The following BTG3 variants were observed in gnomAD, a reference collection of about 807,000 sequenced individuals.
BTG3 encodes BTG anti-proliferation factor 3, also known as protein BTG3.
Under a neutral mutation model 25.8 loss-of-function variants are expected in BTG3, and 4 were observed. The ratio of observed to expected loss-of-function variants is 0.16; its 90% CI spans 0.08 to 0.36. The LOEUF (loss-of-function observed/expected upper bound fraction) is 0.36. Ranked by LOEUF, BTG3 falls within the 10% of genes least tolerant of loss-of-function variation. The pLI, the probability that BTG3 is intolerant of heterozygous loss-of-function variation, is 1.00. For synonymous variants in BTG3, 107 were observed against 99.9 expected (o/e 1.07, Z -0.42); for missense variants, 201 against 304.9 (o/e 0.66, Z 2.54).
At chr21:17,595,558 T>A (rs1402623454) in intron 4 of BTG3, among the ~76,000 whole-genome samples, 2 of 152,036 alleles carry the variant, frequency 1.3e-5, no homozygotes, top group Non-Finnish European at 2.9e-5. Flanking sequence ...TTCATAATAA[T>A]ACATTTCAGA....
At chr21:17,604,213 C>G in intron 3 of BTG3, 1 of 881,418 alleles carries the variant, frequency 1.1e-6, no homozygotes, top group South Asian at 1.6e-5. Flanking sequence ...GAGGCCAAGG[C>G]GGGCGGATCA....
At chr21:17,597,704 G>A (rs2061522364) in intron 4 of BTG3, among the ~76,000 whole-genome samples, 1 of 146,602 alleles carries the variant, frequency 6.8e-6, no homozygotes, top group Non-Finnish European at 1.5e-5. Context: ...TTCCCCTAAA[G>A]TCTAGGAAGA....
chr21:17,599,119 T>C (rs981689050), intron 3 of BTG3: 1 of 290,266 alleles, frequency 3.4e-6, no homozygotes, highest in African/African-American at 2.2e-5. Context: ...AAAAGTCCAT[T>C]GTTTTGATTA....
At chr21:17,604,158 A>C in intron 3 of BTG3, 1 of 1,281,126 alleles carries the variant, frequency 7.8e-7, no homozygotes, top group Non-Finnish European at 1.0e-6. Flanking sequence ...ATCAAAAAGG[A>C]GGAGGCCGGG....
At chr21:17,609,847 C>T (rs1016291719) in intron 1 of BTG3, among the ~76,000 whole-genome samples, 1 of 152,024 alleles carries the variant, frequency 6.6e-6, no homozygotes, top group African/African-American at 2.4e-5. Context: ...AGTACTAATA[C>T]AAGCTACAAT....
intron 3 of BTG3, among the ~76,000 whole-genome samples, chr21:17,603,311 A>C (rs1297728436): frequency 1.3e-5 from 2 of 152,218 alleles, no homozygotes; most frequent in Non-Finnish European, 2.9e-5. Context: ...TTATTTTCTC[A>C]GACCTAAATT....
intron 3 of BTG3, among the ~76,000 whole-genome samples, chr21:17,599,263 C>T (rs1316679042): frequency 6.7e-6 from 1 of 150,336 alleles, no homozygotes; most frequent in Non-Finnish European, 1.5e-5. Context: ...GCAGACTCTA[C>T]CTCCTGGGCT....
At chr21:17,594,471 T>A in intron 4 of BTG3, 139 bp from the exon 5 acceptor site, 1 of 1,027,384 alleles carries the variant, frequency 9.7e-7, no homozygotes, top group Non-Finnish European at 1.4e-6. Context: ...CAGGTCTAAA[T>A]ACATTAAAAA....
chr21:17,612,694 C>A lies in BTG3; in HGVS notation c.-9+5G>T. 6.5e-6 allele frequency: 1 copy of A among 153,234 alleles called. No homozygotes were observed. The highest frequency in any genetic ancestry group is 2.1e-4 in the South Asian group (1 of 4,854). The allele number at this position is 153,234 out of a possible 1,614,324, so 9.5% of individuals were successfully genotyped here. Reference sequence around the variant, plus strand: ...GTCTGCCTTTCCCCGGCCCGGTCTCCTCACCGCCGCTGCCGCCGCCGCTCT... The same window carrying A: ...GTCTGCCTTTCCCCGGCCCGGTCTCATCACCGCCGCTGCCGCCGCCGCTCT... On this transcript the variant is annotated splice_donor_5th_base_variant and intron_variant, in intron 1 of 4. Transcript: ENST00000348354.
At chr21:17,607,470 C>A (rs2061659041) in intron 2 of BTG3, among the ~76,000 whole-genome samples, 1 of 152,142 alleles carries the variant, frequency 6.6e-6, no homozygotes, top group Non-Finnish European at 1.5e-5. Flanking sequence ...TATTTTAATT[C>A]ATTTTCCAAT....
At chr21:17,603,041 C>T (rs2061593929) in intron 3 of BTG3, among the ~76,000 whole-genome samples, 1 of 152,148 alleles carries the variant, frequency 6.6e-6, no homozygotes, top group African/African-American at 2.4e-5. Flanking sequence ...TAGCGTCTGA[C>T]TCATCAACCC....
intron 3 of BTG3, among the ~76,000 whole-genome samples, chr21:17,599,388 G>A (rs2061543197): frequency 6.6e-6 from 1 of 151,720 alleles, no homozygotes; most frequent in Non-Finnish European, 1.5e-5. Flanking sequence ...CCATGTTGCT[G>A]AGGCTGGTCC....
intron 4 of BTG3, among the ~76,000 whole-genome samples, chr21:17,597,761 C>T (rs1384191955): frequency 1.3e-5 from 2 of 151,904 alleles, no homozygotes; most frequent in Non-Finnish European, 2.9e-5. Flanking sequence ...TTAAGTTACA[C>T]TGAAATAATG....
intron 4 of BTG3, 82 bp downstream of exon 4, chr21:17,598,535 T>A: frequency 8.5e-7 from 1 of 1,175,502 alleles, no homozygotes; most frequent in Non-Finnish European, 1.2e-6. Context: ...TCAGAAACCT[T>A]GGGCAATGCC....
intron 4 of BTG3, among the ~76,000 whole-genome samples, chr21:17,595,015 AAGAT>A (rs1175436220): frequency 2.0e-5 from 3 of 151,976 alleles, no homozygotes; most frequent in Non-Finnish European, 4.4e-5. Context: ...AAAAAAAAAA[AAGAT>A]AAACACAAAA....
At chr21:17,608,413 T>C (rs2061674903) in intron 2 of BTG3, among the ~76,000 whole-genome samples, 1 of 151,894 alleles carries the variant, frequency 6.6e-6, no homozygotes, top group Admixed American at 6.6e-5. Context: ...CCCAGAGCCA[T>C]TATTTACTAG....
In BTG3 at chr21:17,608,568, T is replaced by C. The variant is rs191445913; in HGVS notation, c.173+404A>G. ...CCCTTTTTCCATACTTTTTTTTTTT[T>C]CAAAGAACATATAACATGTAATTTA... On this transcript the variant is annotated intron_variant, in intron 2 of 4. Coordinates refer to ENST00000348354, the MANE Select transcript of BTG3 (RefSeq NM_006806.5). Among the ~76,000 whole-genome samples, 779 of 152,194 alleles carry C rather than the reference T, an allele frequency of 5.1e-3. 7 individuals are homozygous for C. Among genetic ancestry groups the C allele is most frequent in the African/African-American group, 0.018 (746 of 41,552 alleles).
intron 3 of BTG3, among the ~76,000 whole-genome samples, chr21:17,601,380 T>C (rs1411829274): frequency 1.3e-5 from 2 of 152,100 alleles, no homozygotes; most frequent in Non-Finnish European, 2.9e-5. Flanking sequence ...AAACAGAAGC[T>C]GGACATGGTA....
intron 4 of BTG3, 61 bp downstream of exon 4, chr21:17,598,556 A>C (rs140510225): frequency 3.5e-6 from 5 of 1,417,014 alleles, no homozygotes; most frequent in Non-Finnish European, 4.9e-6. Context: ...AAGTAGGACT[A>C]CCTGAAAGGT....
Sources: allele counts gnomAD v4.1 joint callset (sites outside exome capture counted in the v4.1 genomes callset), GRCh38; gene constraint gnomAD v4.1.1; transcripts MANE v1.5; gene names NCBI Gene and HGNC (gene_info 2026-07-23, HGNC 2026-07-21).